CROCC: variants seen among roughly 807,000 people sequenced by gnomAD.
CROCC encodes ciliary rootlet coiled-coil, rootletin.
Under a neutral mutation model 245.2 loss-of-function variants are expected in CROCC, and 180 were observed. The observed-to-expected ratio is 0.73, with a 90% CI of 0.65 to 0.83. The LOEUF (loss-of-function observed/expected upper bound fraction) is 0.83. Ranked by LOEUF, CROCC falls within the 40% of genes least tolerant of loss-of-function variation. CROCC has a pLI of 0.00. For synonymous variants in CROCC, 1,205 were observed against 1,241.6 expected (o/e 0.97, Z 0.62); for missense variants, 2,688 against 2,779.4 (o/e 0.97, Z 0.74).
rs911226492 is a variant in CROCC at position 16,968,549 on chromosome 1, A to G, written c.5076+131A>G. 4.1e-5 allele frequency: 39 copies of G among 959,564 alleles called. 1 individual carries two copies. The South Asian group carries it at 7.0e-4, about 17-fold the overall frequency. 59.4% of individuals were successfully genotyped at this position (959,564 alleles called of 1,614,324 possible). ...ACATCCCCATTTCACAGATGGACAA[A>G]TGGAGGCTGAGAGGTGATGTCATTG... On this transcript the variant is annotated intron_variant, in intron 31 of 36. Coordinates refer to ENST00000375541, the MANE Select transcript of CROCC (RefSeq NM_014675.5).
At chr1:16,955,872 C>A (rs2076242549) in intron 24 of CROCC, 125 bp from the exon 25 acceptor site, 3 of 1,253,816 alleles carry the variant, frequency 2.4e-6, no homozygotes, top group Non-Finnish European at 3.4e-6. Context: ...GGGCTTAGCT[C>A]TTCAGAGAGG....
intron 15 of CROCC, 53 bp from the exon 16 acceptor site, chr1:16,946,206 A>C (rs2076041386): frequency 1.9e-6 from 3 of 1,575,488 alleles, no homozygotes; most frequent in African/African-American, 2.8e-5. Flanking sequence ...GGGCCTCCTC[A>C]CCTCCTCCCG....
chr1:16,972,653 C>A lies in CROCC; in HGVS notation c.*207C>A. 1 of 497,708 alleles carries A rather than the reference C, an allele frequency of 2.0e-6. No homozygotes were observed. The highest frequency in any genetic ancestry group is 3.5e-6 in the Non-Finnish European group (1 of 282,246). 30.8% of individuals were successfully genotyped at this position (497,708 alleles called of 1,614,324 possible). A position where few individuals can be genotyped will look rare whatever the true frequency, so the allele number is the denominator to read the frequency against. On this transcript the variant is annotated 3_prime_UTR_variant, in exon 37 of 37. Coordinates refer to ENST00000375541, the MANE Select transcript of CROCC (RefSeq NM_014675.5). ...GCAACACCTGCAGTCCAGCCCCCCT[C>A]TTCTAGGATGAGCCACTGTAGATCA...
Position 16,971,435 on chromosome 1 carries a change from C to T in CROCC, c.5785-30C>T, listed in dbSNP as rs1434394421. On this transcript the variant is annotated intron_variant, in intron 35 of 36. Coordinates refer to ENST00000375541, the MANE Select transcript of CROCC (RefSeq NM_014675.5). ...ATGCACACACACACTCACACTGGGC[C>T]AGAACGCGGACCACAGCCCCTCCCT... 5 of 1,518,448 alleles carry T rather than the reference C, an allele frequency of 3.3e-6. No individual in the cohort carries two copies. The African/African-American group carries it at 5.5e-5, about 17-fold the overall frequency. The allele number at this position is 1,518,448 out of a possible 1,614,324, so 94.1% of individuals were successfully genotyped here. A position where few individuals can be genotyped will look rare whatever the true frequency, so the allele number is the denominator to read the frequency against.
At chr1:16,920,280 T>C (rs1005029929), upstream of CROCC, among the ~76,000 whole-genome samples, 1 of 152,234 alleles carries the variant, frequency 6.6e-6, no homozygotes, top group Admixed American at 6.5e-5. Flanking sequence ...GGTTTCACCA[T>C]GTAGGCCAGG....
intron 13 of CROCC, among the ~76,000 whole-genome samples, chr1:16,942,527 C>T (rs1338355227): frequency 6.6e-6 from 1 of 152,282 alleles, no homozygotes; most frequent in Non-Finnish European, 1.5e-5. Flanking sequence ...GCAAACGTTT[C>T]CTGCACACCT....
chr1:16,970,187 C>T (rs906736022), intron 33 of CROCC, 66 bp from the exon 34 acceptor site: 15 of 1,439,906 alleles, frequency 1.0e-5, no homozygotes, highest in African/African-American at 1.4e-5. Flanking sequence ...GCCTCATTGT[C>T]CCCAAGCTTC....
rs1284818920 is a variant in CROCC at position 16,968,191 on chromosome 1, T to C, written c.4861-12T>C. The C allele has an allele frequency of 1.3e-6, 2 of 1,554,880 alleles. No individual in the cohort carries two copies. Among genetic ancestry groups the C allele is most frequent in the East Asian group, 2.4e-5 (1 of 41,458 alleles). ...ACTGGACGTCTGGGCCTGAGCCCCA[T>C]GCCACCTGCAGGAGAAGATCAGCAA... On this transcript the variant is annotated splice_polypyrimidine_tract_variant and intron_variant, in intron 30 of 36. Transcript: ENST00000375541.
chr1:16,914,408 C>G (rs1171620091), intron 1 of CROCC, among the ~76,000 whole-genome samples: 1 of 152,252 alleles, frequency 6.6e-6, no homozygotes. Context: ...AGCCGTCCCT[C>G]CGCCGGCCGG....
Position 16,970,342 on chromosome 1 carries a change from G to T in CROCC, c.5541G>T (p.Leu1847=). Residue 1847 remains leucine (L), a synonymous_variant, in exon 34 of 37, where the codon CTG becomes CTT. Transcript: ENST00000375541. ...AGCGGCGGCTGCTGCAGGAGCGCCT[G>T]GGAAGCCTGCAGCGCGCCCTGGCTC... is the stretch of plus-strand genomic sequence containing the variant. ...QDERRLLQER[L]GSLQRALAQL... 1 of 1,591,442 alleles carries T rather than the reference G, an allele frequency of 6.3e-7. No individual in the cohort carries two copies. The highest frequency in any genetic ancestry group is 1.3e-5 in the African/African-American group (1 of 74,646).
chr1:16,942,790 G>C (rs1160066821), intron 13 of CROCC, among the ~76,000 whole-genome samples: 5 of 152,382 alleles, frequency 3.3e-5, no homozygotes, highest in South Asian at 2.1e-4. Flanking sequence ...ATCCCATTTT[G>C]CATTCTGCTA....
chr1:16,971,589 G>C lies in CROCC; in HGVS notation c.5909G>C (p.Arg1970Pro). The C allele has an allele frequency of 6.5e-7, 1 of 1,527,962 alleles. No individual in the cohort carries two copies. Among genetic ancestry groups the C allele is most frequent in the Non-Finnish European group, 8.8e-7 (1 of 1,139,052 alleles). The allele number at this position is 1,527,962 out of a possible 1,614,324, so 94.7% of individuals were successfully genotyped here. Residue 1970 changes from arginine (R) to proline (P), a missense_variant, in exon 36 of 37, where the codon CGC becomes CCC. Physicochemically the swap from Arg to Pro is moderately radical, Grantham distance 103. Coordinates refer to ENST00000375541, the MANE Select transcript of CROCC (RefSeq NM_014675.5). ...CGCAGCGCCCAGGCGCAGACTGAGC[G>C]CACCCTGGAGGCTCGGGAGCGGGCC... is the stretch of plus-strand genomic sequence containing the variant. ...RLRSAQAQTE[R>P]TLEARERAHR...
chr1:16,966,297 G>A lies in CROCC; in HGVS notation c.4697-111G>A. 7.0e-7 allele frequency: 1 copy of A among 1,433,174 alleles called. No homozygotes were observed. Among genetic ancestry groups the A allele is most frequent in the Non-Finnish European group, 9.2e-7 (1 of 1,084,460 alleles). The allele number at this position is 1,433,174 out of a possible 1,614,324, so 88.8% of individuals were successfully genotyped here. A position where few individuals can be genotyped will look rare whatever the true frequency, so the allele number is the denominator to read the frequency against. On this transcript the variant is annotated intron_variant, in intron 29 of 36. Coordinates refer to ENST00000375541, the MANE Select transcript of CROCC (RefSeq NM_014675.5). This position sits in a 1 kb window ranked among gnomAD's most constrained non-coding sequence, Gnocchi z 4.8. ...TGCAGGCCCGCATACTACGAAGGGTGCAGACAGTCTGGCCCTGCACTGGGT... is the reference window on the plus strand; with the variant it reads ...TGCAGGCCCGCATACTACGAAGGGTACAGACAGTCTGGCCCTGCACTGGGT...
chr1:16,939,749 C>T (rs1201270420), intron 12 of CROCC, 145 bp from the exon 13 acceptor site: 2 of 1,011,470 alleles, frequency 2.0e-6, no homozygotes, highest in Admixed American at 2.4e-5. Flanking sequence ...GCTCTCAGGC[C>T]TAGGCCCCTA....
intron 17 of CROCC, among the ~76,000 whole-genome samples, chr1:16,947,216 C>T (rs2076069118): frequency 6.6e-6 from 1 of 152,288 alleles, no homozygotes; most frequent in Non-Finnish European, 1.5e-5. Context: ...GTGGCTCACG[C>T]CTATAATCCC....
chr1:16,922,272 G>T (rs2075425776), intron 1 of CROCC, among the ~76,000 whole-genome samples, 194 bp downstream of exon 1: 1 of 152,234 alleles, frequency 6.6e-6, no homozygotes, highest in Non-Finnish European at 1.5e-5. Context: ...ACCTGCTGTG[G>T]CTCCCTCATC....
Position 16,969,105 on chromosome 1 carries a change from C to T in CROCC, c.5077-11C>T, listed in dbSNP as rs780383044. 16 of 1,588,290 alleles carry T rather than the reference C, an allele frequency of 1.0e-5. No homozygotes were observed. Among genetic ancestry groups the T allele is most frequent in the Admixed American group, 5.5e-5 (3 of 54,698 alleles). On this transcript the variant is annotated splice_polypyrimidine_tract_variant and intron_variant, in intron 31 of 36. Transcript: ENST00000375541. The stretch of plus-strand genomic sequence containing the variant: ...GAACAGCCCCGATTGTTCTGGCTGT[C>T]CTCCTGCCAGGTGGCCGACAGCGAG...
At position 16,962,321 on chromosome 1, in the gene CROCC, G is replaced by A. The variant is rs1315290401; in HGVS notation, c.4405+1191G>A. On this transcript the variant is annotated intron_variant, in intron 27 of 36. Transcript: ENST00000375541. ...AGCACTTTGGGAGGCAGAGGTGGGC[G>A]GATCACGAGGTCAGGAGATCGAGAC... 2.0e-5 allele frequency among the ~76,000 whole-genome samples: 3 copies of A among 150,818 alleles called. No homozygotes were observed. In the East Asian group the frequency reaches 6.0e-4, roughly 30 times the overall value.
At position 16,946,882 on chromosome 1, in the gene CROCC, AG is replaced by A. The variant is rs1192152439; in HGVS notation, c.2408del (p.Gly803AlafsTer34). On this transcript the variant is annotated frameshift_variant, in exon 17 of 37. Transcript: ENST00000375541. LOFTEE classifies it high-confidence loss of function. ...ELRLEQEVAR[Q>X]GLEGSLRVAE... ...CGGTTGGAGCAGGAGGTGGCGCGGC[AG>A]GGCCTGGAGGGCTCCCTACGAGTGG... 7 of 1,562,194 alleles carry A rather than the reference AG, an allele frequency of 4.5e-6. No homozygotes were observed. Among genetic ancestry groups the A allele is most frequent in the Non-Finnish European group, 6.1e-6 (7 of 1,153,416 alleles).
Sources: allele counts gnomAD v4.1 joint callset (sites outside exome capture counted in the v4.1 genomes callset), GRCh38; gene constraint gnomAD v4.1.1; non-coding constraint Gnocchi (gnomAD v3.1); transcripts MANE v1.5; gene names NCBI Gene and HGNC (gene_info 2026-07-23, HGNC 2026-07-21).